Variants in AFF3 observed in about 807,000 individuals in gnomAD.
AFF3 encodes the protein ALF transcription elongation factor 3.
Under a neutral mutation model 129.7 loss-of-function variants are expected in AFF3, and 32 were observed. The ratio of observed to expected loss-of-function variants is 0.25; its 90% CI spans 0.19 to 0.33. AFF3 has a LOEUF of 0.33. Ranked by LOEUF, AFF3 falls within the 10% of genes least tolerant of loss-of-function variation. AFF3 has a pLI of 1.00. For missense variants in AFF3, 1,373 were observed against 1,592.0 expected, an observed-to-expected ratio of 0.86 and a Z score of 2.34; for synonymous variants, 644 against 635.4, an observed-to-expected ratio of 1.01 and a Z score of -0.20.
At chr2:99,986,834 A>G (rs1679915719) in intron 7 of AFF3, among the ~76,000 whole-genome samples, 2 of 152,186 alleles carry the variant, frequency 1.3e-5, no homozygotes, top group African/African-American at 2.4e-5. Context: ...TTCATTCAGA[A>G]TTGTACTTTT....
At chr2:99,664,091 C>T (rs1475896919) in intron 12 of AFF3, among the ~76,000 whole-genome samples, 3 of 152,216 alleles carry the variant, frequency 2.0e-5, no homozygotes, top group African/African-American at 7.2e-5. Flanking sequence ...AATTCCTTCA[C>T]ATTGTTTCAC....
intron 2 of AFF3, among the ~76,000 whole-genome samples, chr2:100,114,428 C>T (rs1691647266): frequency 6.6e-6 from 1 of 152,104 alleles, no homozygotes; most frequent in South Asian, 2.1e-4. Flanking sequence ...GCCACCCAGG[C>T]TAGAGTGCAG....
At chr2:99,962,929 C>T (rs1677378312) in intron 7 of AFF3, among the ~76,000 whole-genome samples, 1 of 149,818 alleles carries the variant, frequency 6.7e-6, no homozygotes, top group Non-Finnish European at 1.5e-5. Flanking sequence ...AAGAAATAAA[C>T]TCACAGATTG....
intron 7 of AFF3, among the ~76,000 whole-genome samples, chr2:99,908,489 A>G (rs1416272334): frequency 6.6e-6 from 1 of 152,208 alleles, no homozygotes; most frequent in Non-Finnish European, 1.5e-5. Context: ...ATCTAATTAA[A>G]CTAAAGAGCT....
chr2:99,839,737 G>C (rs1035187260), intron 7 of AFF3, among the ~76,000 whole-genome samples: 1 of 151,412 alleles, frequency 6.6e-6, no homozygotes, highest in Admixed American at 6.6e-5. Flanking sequence ...TCAGTCACCC[G>C]AGTAGCTGAA....
At chr2:99,619,163 C>T (rs1681747220) in intron 13 of AFF3, among the ~76,000 whole-genome samples, 1 of 152,242 alleles carries the variant, frequency 6.6e-6, no homozygotes, top group Non-Finnish European at 1.5e-5. Flanking sequence ...CCTGAAAACC[C>T]TCTTTCTAAC....
At chr2:99,667,944 C>A (rs1002692834) in intron 12 of AFF3, among the ~76,000 whole-genome samples, 13 of 151,830 alleles carry the variant, frequency 8.6e-5, no homozygotes, top group Admixed American at 3.3e-4. Context: ...ATCATGAGGT[C>A]AGGAGATCGA....
At chr2:99,702,940 T>C (rs1217079788) in intron 11 of AFF3, among the ~76,000 whole-genome samples, 1 of 152,234 alleles carries the variant, frequency 6.6e-6, no homozygotes, top group African/African-American at 2.4e-5. Context: ...CAGTTTTTCC[T>C]TTTATGGATC....
intron 11 of AFF3, among the ~76,000 whole-genome samples, chr2:99,714,676 C>T (rs1208052091): frequency 6.6e-6 from 1 of 152,146 alleles, no homozygotes; most frequent in Admixed American, 6.5e-5. Flanking sequence ...ATTCTCAAAT[C>T]GACCTTGATC....
rs1037062641 is a variant in AFF3, at chr2:99,780,941, G to C, written c.922-28640C>G. Reference sequence around the variant, plus strand: ...AAGCCTCTTCTCCCTATAGCAGCCAGAGGGATCATTTAAAACACAAAACAG... The same window carrying C: ...AAGCCTCTTCTCCCTATAGCAGCCACAGGGATCATTTAAAACACAAAACAG... On this transcript the variant is annotated intron_variant, in intron 8 of 24. Transcript: ENST00000672756. 2.2e-4 allele frequency among the ~76,000 whole-genome samples: 33 copies of C among 152,172 alleles called. 2 individuals carry two copies. The highest frequency in any genetic ancestry group is 4.6e-4 in the Non-Finnish European group (31 of 68,034).
intron 11 of AFF3, among the ~76,000 whole-genome samples, chr2:99,677,623 C>A (rs1383879955): frequency 6.6e-6 from 1 of 152,120 alleles, no homozygotes; most frequent in African/African-American, 2.4e-5. Context: ...GGAGAGCGGG[C>A]CTTGCAGGAG....
chr2:100,092,109 A>G (rs897092535), intron 4 of AFF3, among the ~76,000 whole-genome samples: 2 of 152,102 alleles, frequency 1.3e-5, no homozygotes, highest in Non-Finnish European at 2.9e-5. Context: ...CCTAAATGTC[A>G]GGATCTTTAG....
At chr2:99,577,156 C>G (rs56700866) in intron 18 of AFF3, among the ~76,000 whole-genome samples, 3,648 of 152,266 alleles carry the variant, frequency 0.024, 138 homozygotes, top group African/African-American at 0.083. Context: ...CCCCCAAAAC[C>G]CTGTGCCCTA....
chr2:100,076,490 T>C (rs1688597796), intron 4 of AFF3, among the ~76,000 whole-genome samples: 1 of 152,142 alleles, frequency 6.6e-6, no homozygotes, highest in African/African-American at 2.4e-5. Context: ...ATGTAAAACC[T>C]AATACCTCAC....
At chr2:99,961,531 G>T (rs79757987) in intron 7 of AFF3, among the ~76,000 whole-genome samples, 3,014 of 152,218 alleles carry the variant, frequency 0.02, 109 homozygotes, top group African/African-American at 0.069. Flanking sequence ...ACAGGTTTTA[G>T]AGATTATCTG....
At chr2:99,840,343 G>C (rs1250906126) in intron 7 of AFF3, among the ~76,000 whole-genome samples, 1 of 152,080 alleles carries the variant, frequency 6.6e-6, no homozygotes, top group Non-Finnish European at 1.5e-5. Context: ...AATCGTCTGG[G>C]AACTTTTAGG....
chr2:99,968,986 G>A (rs1367626589), intron 7 of AFF3, among the ~76,000 whole-genome samples: 1 of 152,234 alleles, frequency 6.6e-6, no homozygotes, highest in Non-Finnish European at 1.5e-5. Flanking sequence ...GCAAGAGGGA[G>A]TGTGGCTGCA....
intron 11 of AFF3, among the ~76,000 whole-genome samples, chr2:99,695,734 T>C (rs1167387444): frequency 6.6e-6 from 1 of 151,986 alleles, no homozygotes; most frequent in Admixed American, 6.6e-5. Flanking sequence ...TACTTTTTTA[T>C]TGGTAAGCGA....
chr2:100,121,264 G>A (rs1318550820), intron 2 of AFF3, among the ~76,000 whole-genome samples: 3 of 152,210 alleles, frequency 2.0e-5, no homozygotes, highest in East Asian at 3.9e-4. Context: ...CCAGCAGAGA[G>A]AGGAGAAGCA....
Sources: gnomAD v4.1 joint callset for allele counts (sites outside exome capture counted in the v4.1 genomes callset) on GRCh38, gnomAD v4.1.1 for gene constraint, MANE v1.5 for transcripts, NCBI Gene and HGNC (gene_info 2026-07-23, HGNC 2026-07-21) for gene names.